The following TLN2 variants were observed in gnomAD, a reference collection of about 807,000 sequenced individuals.
TLN2 encodes the protein talin-2.
Under a neutral mutation model 294.7 loss-of-function variants are expected in TLN2, and 118 were observed. The observed-to-expected ratio is 0.40, with a 90% CI of 0.34 to 0.47. The LOEUF (loss-of-function observed/expected upper bound fraction) is 0.47, where lower values mean the gene tolerates loss of function less well. Among genes scored for constraint, TLN2 ranks in the 20% least tolerant of loss-of-function variants. The probability of loss-of-function intolerance (pLI) is 0.84; values close to 1 mark genes in which losing one functional copy is unlikely to be tolerated. For synonymous variants in TLN2, 1,431 were observed against 1,304.5 expected, an observed-to-expected ratio of 1.10 and a Z score of -2.09; for missense variants, 3,083 against 3,282.2, an observed-to-expected ratio of 0.94 and a Z score of 1.48.
intron 3 of TLN2, among the ~76,000 whole-genome samples, chr15:62,625,130 T>C (rs2049166119): frequency 2.6e-5 from 4 of 152,206 alleles, no homozygotes; most frequent in Admixed American, 2.6e-4. Flanking sequence ...TGAGGACCCA[T>C]CTGCAAATGT....
chr15:62,694,767 G>T (rs1370884073), intron 14 of TLN2, among the ~76,000 whole-genome samples: 1 of 152,196 alleles, frequency 6.6e-6, no homozygotes, highest in African/African-American at 2.4e-5. Context: ...CCTTTTGTGG[G>T]AGGAGGGAGT....
At chr15:62,475,072 G>T (rs948514569) in intron 1 of TLN2, among the ~76,000 whole-genome samples, 1 of 152,100 alleles carries the variant, frequency 6.6e-6, no homozygotes, top group South Asian at 2.1e-4. Context: ...TAGTGAGGGT[G>T]GGGTATTTGG....
At chr15:62,812,646 A>G (rs911382833) in intron 52 of TLN2, among the ~76,000 whole-genome samples, 2 of 152,220 alleles carry the variant, frequency 1.3e-5, no homozygotes, top group Non-Finnish European at 2.9e-5. Context: ...CCCTGACTGC[A>G]TGCCGACTCT....
chr15:62,761,919 C>A, intron 38 of TLN2, 98 bp downstream of exon 38: 2 of 1,496,918 alleles, frequency 1.3e-6, no homozygotes, highest in Non-Finnish European at 1.8e-6. Context: ...CTCTCTCTGT[C>A]AACATGTAGG....
At chr15:62,697,893 C>T (rs746652591) in intron 15 of TLN2, 25 bp downstream of exon 15, 1 of 1,606,154 alleles carries the variant, frequency 6.2e-7, no homozygotes, top group Non-Finnish European at 8.5e-7. Context: ...GCTCGTCCCC[C>T]ACTCGTTAGT....
chr15:62,397,772 TCC>T (rs905130818), intron 1 of TLN2, among the ~76,000 whole-genome samples: 2 of 152,200 alleles, frequency 1.3e-5, no homozygotes, highest in Non-Finnish European at 2.9e-5. Context: ...ATTCCTTTGG[TCC>T]TTGGTGGGGT....
At chr15:62,419,019 A>G (rs917924766) in intron 1 of TLN2, among the ~76,000 whole-genome samples, 104 of 152,222 alleles carry the variant, frequency 6.8e-4, no homozygotes, top group Non-Finnish European at 2.6e-4. Context: ...GGGTATGTGA[A>G]TCAGCTTTTT....
intron 1 of TLN2, among the ~76,000 whole-genome samples, chr15:62,514,349 A>G (rs1326891114): frequency 6.6e-6 from 1 of 152,238 alleles, no homozygotes; most frequent in East Asian, 1.9e-4. Context: ...TAAAAAGATC[A>G]AATGTCTAAT....
At chr15:62,820,423 A>T in intron 53 of TLN2, 63 bp from the exon 54 acceptor site, 2 of 1,559,108 alleles carry the variant, frequency 1.3e-6, no homozygotes, top group Non-Finnish European at 1.7e-6. Flanking sequence ...TAGTGTTTTT[A>T]ATTAAGCCAG....
chr15:62,414,169 T>TATATATATATATATATATATATATAA lies in TLN2; in HGVS notation c.-238+23507_-238+23508insTAAATATATATATATATATATATATA. On this transcript the variant is annotated intron_variant, in intron 1 of 58. Transcript: ENST00000636159. The stretch of plus-strand genomic sequence containing the variant: ...AGTGTTAGCAAAAAAAAAAACTATA[T>TATATATATATATATATATATATATAA]ATATATATATATATATATATATAAT... Among the ~76,000 whole-genome samples, 2 of 118,282 alleles carry TATATATATATATATATATATATATAA rather than the reference T, an allele frequency of 1.7e-5. 1 individual carries two copies. The highest frequency in any genetic ancestry group is 5.8e-5 in the African/African-American group (2 of 34,382). 77.6% of individuals were successfully genotyped at this position (118,282 alleles called of 152,430 possible).
chr15:62,755,784 T>A, intron 37 of TLN2, 91 bp downstream of exon 37: 1 of 1,486,222 alleles, frequency 6.7e-7, no homozygotes, highest in Non-Finnish European at 9.1e-7. Context: ...CTCCTCTCCT[T>A]GTCTAGTGAA....
intron 3 of TLN2, among the ~76,000 whole-genome samples, chr15:62,629,599 G>C (rs1338230253): frequency 6.6e-6 from 1 of 152,200 alleles, no homozygotes; most frequent in Non-Finnish European, 1.5e-5. Context: ...GACATTCCAA[G>C]GTAGGGCCGT....
intron 2 of TLN2, among the ~76,000 whole-genome samples, chr15:62,603,134 C>T (rs898850127): frequency 6.6e-6 from 1 of 152,088 alleles, no homozygotes; most frequent in Non-Finnish European, 1.5e-5. Flanking sequence ...CTTCATGATC[C>T]ACCTGCCTCG....
intron 52 of TLN2, among the ~76,000 whole-genome samples, chr15:62,817,492 T>C (rs2067203856): frequency 6.6e-6 from 1 of 152,154 alleles, no homozygotes; most frequent in African/African-American, 2.4e-5. Context: ...GATAGATACA[T>C]GTGAAGTAGT....
intron 1 of TLN2, among the ~76,000 whole-genome samples, chr15:62,447,772 G>T (rs566884267): frequency 6.6e-6 from 1 of 152,020 alleles, no homozygotes; most frequent in African/African-American, 2.4e-5. Flanking sequence ...GGATTAGCCC[G>T]GCCCAGAGTT....
At chr15:62,699,779 A>G (rs2058599818) in intron 16 of TLN2, among the ~76,000 whole-genome samples, 1 of 152,236 alleles carries the variant, frequency 6.6e-6, no homozygotes, top group South Asian at 2.1e-4. Flanking sequence ...TTTGTACGTT[A>G]GAATCATCCT....
intron 1 of TLN2, among the ~76,000 whole-genome samples, chr15:62,562,906 TCACACACACACACACACA>T (rs61578830): frequency 0.038 from 3,751 of 99,270 alleles, 98 homozygotes; most frequent in Admixed American, 0.069. Context: ...TAGTATTCCA[TCACACACACACACACACA>T]CACACACACA....
At chr15:62,543,753 C>CA (rs11386820) in intron 1 of TLN2, among the ~76,000 whole-genome samples, 42,364 of 109,740 alleles carry the variant, frequency 0.39, 7,315 homozygotes, top group East Asian at 0.6. Context: ...GATTCTGTCT[C>CA]AAAAAAAAAA....
intron 1 of TLN2, among the ~76,000 whole-genome samples, chr15:62,539,547 C>T (rs2041553494): frequency 6.6e-6 from 1 of 152,134 alleles, no homozygotes; most frequent in Non-Finnish European, 1.5e-5. Flanking sequence ...CAGCATCACT[C>T]TGAAAGGGCA....
Sources: gnomAD v4.1 joint callset for allele counts (sites outside exome capture counted in the v4.1 genomes callset) on GRCh38, gnomAD v4.1.1 for gene constraint, MANE v1.5 for transcripts, NCBI Gene and HGNC (gene_info 2026-07-23, HGNC 2026-07-21) for gene names.